USP3: variants seen among roughly 807,000 people sequenced by gnomAD.
USP3 encodes ubiquitin specific peptidase 3.
A neutral mutation model predicts 72.3 loss-of-function variants in USP3; 20 were observed. That is an observed-to-expected ratio of 0.28 (90% CI 0.19 to 0.40). The LOEUF (loss-of-function observed/expected upper bound fraction) is 0.40. USP3 is among the 10% of genes least tolerant of loss of function. USP3 has a pLI of 1.00. For missense variants in USP3, 479 were observed against 633.9 expected (o/e 0.76, Z 2.62); for synonymous variants, 222 against 225.3 (o/e 0.99, Z 0.13).
chr15:63,586,530 T>C (rs1241911524), intron 11 of USP3: 1 of 152,214 alleles, frequency 6.6e-6, no homozygotes, highest in Non-Finnish European at 1.5e-5. Context: ...ACAAGCACCA[T>C]AGTGATCAGT....
At chr15:63,554,358 G>C (rs1445244994) in intron 4 of USP3, among the ~76,000 whole-genome samples, 2 of 152,112 alleles carry the variant, frequency 1.3e-5, no homozygotes, top group Non-Finnish European at 2.9e-5. Flanking sequence ...ATAAAGAAAT[G>C]AAACTATTTA....
chr15:63,541,719 T>C (rs938668492), intron 3 of USP3, among the ~76,000 whole-genome samples: 1 of 152,186 alleles, frequency 6.6e-6, no homozygotes, highest in African/African-American at 2.4e-5. Context: ...TTAACCTTTC[T>C]CAGTTTGAAA....
At position 63,594,468 on chromosome 15, in the gene USP3, T is replaced by C. The variant is rs141161032; in HGVS notation, c.*3642T>C. Reference sequence around the variant, plus strand: ...GACTCTAGACTGCCTTCCATGAGTGTTGGTCATGCTATGATGTCATCATTT... The same window carrying C: ...GACTCTAGACTGCCTTCCATGAGTGCTGGTCATGCTATGATGTCATCATTT... On this transcript the variant is annotated 3_prime_UTR_variant, in exon 15 of 15. Transcript: ENST00000380324. 6.6e-6 allele frequency: 1 copy of C among 152,220 alleles called. No homozygotes were observed. The highest frequency in any genetic ancestry group is 2.4e-5 in the African/African-American group (1 of 41,434). 9.4% of individuals were successfully genotyped at this position (152,220 alleles called of 1,614,324 possible). A position where few individuals can be genotyped will look rare whatever the true frequency, so the allele number is the denominator to read the frequency against.
At chr15:63,565,236 C>T (rs1379989441) in intron 8 of USP3, among the ~76,000 whole-genome samples, 3 of 152,132 alleles carry the variant, frequency 2.0e-5, no homozygotes, top group East Asian at 3.8e-4. Flanking sequence ...CCCCAAAACA[C>T]ACACACCCTC....
Position 63,512,305 on chromosome 15 carries a change from CTCT to C in USP3, c.91+7487_91+7489del, listed in dbSNP as rs781608386. 2.3e-3 allele frequency among the ~76,000 whole-genome samples: 342 copies of C among 146,334 alleles called. 4 individuals carry two copies. In the South Asian group the frequency reaches 0.024, roughly 10 times the overall value. ...CCTCTTCTTCCTCTTCTTCTTCCTC[CTCT>C]TCTTCTTCTTCCTCTTCTTCCTCTT... On this transcript the variant is annotated intron_variant, in intron 1 of 14. Coordinates refer to ENST00000380324, the MANE Select transcript of USP3 (RefSeq NM_006537.4).
intron 1 of USP3, among the ~76,000 whole-genome samples, chr15:63,525,487 C>T (rs2065969643): frequency 6.6e-6 from 1 of 152,172 alleles, no homozygotes; most frequent in African/African-American, 2.4e-5. Flanking sequence ...TTTTGGCTGC[C>T]CTCGGACTGC....
chr15:63,519,484 G>C (rs771623655), intron 1 of USP3, among the ~76,000 whole-genome samples: 1 of 152,164 alleles, frequency 6.6e-6, no homozygotes, highest in Non-Finnish European at 1.5e-5. Context: ...TACCACAAAA[G>C]TAATGTTGTG....
At chr15:63,510,804 A>G (rs1265798220) in intron 1 of USP3, among the ~76,000 whole-genome samples, 1 of 152,212 alleles carries the variant, frequency 6.6e-6, no homozygotes, top group East Asian at 1.9e-4. Context: ...AGACCCCTCA[A>G]GATGCTCTGA....
intron 4 of USP3, 61 bp from the exon 5 acceptor site, chr15:63,556,606 C>G (rs3751043): frequency 0.84 from 1,126,426 of 1,335,832 alleles, 488,331 homozygotes; most frequent in Non-Finnish European, 0.89. Context: ...TTTATTCTTT[C>G]ACCTGTGGTG....
intron 3 of USP3, among the ~76,000 whole-genome samples, chr15:63,552,309 A>G (rs2066448628): frequency 6.6e-6 from 1 of 152,342 alleles, no homozygotes; most frequent in South Asian, 2.1e-4. Context: ...AAATGCCCTA[A>G]GCCCAAATTT....
intron 1 of USP3, among the ~76,000 whole-genome samples, chr15:63,508,239 A>G (rs749847530): frequency 2.6e-5 from 4 of 152,224 alleles, no homozygotes; most frequent in Non-Finnish European, 4.4e-5. Flanking sequence ...TGTGTAAGCT[A>G]TAGTTAACAG....
chr15:63,515,394 G>A (rs144976565), intron 1 of USP3: 1 of 152,232 alleles, frequency 6.6e-6, no homozygotes, highest in African/African-American at 2.4e-5. Context: ...TTTAAAAATA[G>A]AGTAAAATGC....
chr15:63,590,631 C>A, intron 14 of USP3, 30 bp from the exon 15 acceptor site: 1 of 1,508,278 alleles, frequency 6.6e-7, no homozygotes, highest in Non-Finnish European at 8.9e-7. Flanking sequence ...TTCTGAGGTT[C>A]TTTTTTCCTT....
In USP3 at chr15:63,590,842, A is replaced by G; in HGVS notation, c.*16A>G. The G allele has an allele frequency of 6.2e-7, 1 of 1,600,106 alleles. No individual in the cohort carries two copies. The highest frequency in any genetic ancestry group is 2.2e-5 in the East Asian group (1 of 44,496). Reference sequence around the variant, plus strand: ...TAAACTTTAATACCTCCTCCAAATCATCATTCACCAACCATACCAGAGAAA... The same window carrying G: ...TAAACTTTAATACCTCCTCCAAATCGTCATTCACCAACCATACCAGAGAAA... On this transcript the variant is annotated 3_prime_UTR_variant, in exon 15 of 15. Transcript: ENST00000380324.
chr15:63,582,781 G>C (rs2066986300), intron 11 of USP3, among the ~76,000 whole-genome samples: 1 of 152,200 alleles, frequency 6.6e-6, no homozygotes, highest in Non-Finnish European at 1.5e-5. Context: ...GATGAGGACA[G>C]GAAGGAAGGC....
intron 6 of USP3, 91 bp from the exon 7 acceptor site, chr15:63,559,766 C>T: frequency 9.7e-7 from 1 of 1,026,914 alleles, no homozygotes; most frequent in South Asian, 1.7e-5. Context: ...TGAAAAATGG[C>T]AGTTTCAAAA....
chr15:63,505,165 G>T (rs1422840157), intron 1 of USP3, among the ~76,000 whole-genome samples: 3 of 151,836 alleles, frequency 2.0e-5, no homozygotes, highest in Non-Finnish European at 4.4e-5. Flanking sequence ...CGGGGGCTGT[G>T]CCCGTCCGTG....
At position 63,593,736 on chromosome 15, in the gene USP3, A is replaced by T. The variant is rs188122739; in HGVS notation, c.*2910A>T. 1.3e-5 allele frequency: 2 copies of T among 152,388 alleles called. No individual in the cohort carries two copies. Among genetic ancestry groups the T allele is most frequent in the Admixed American group, 1.3e-4 (2 of 15,308 alleles). The allele number at this position is 152,388 out of a possible 1,614,324, so 9.4% of individuals were successfully genotyped here. A position where few individuals can be genotyped will look rare whatever the true frequency, so the allele number is the denominator to read the frequency against. ...TTTGTGTTTTCATTTTTAACTGTGC[A>T]GCCTTACCACACCTATTTTGAAAGC... On this transcript the variant is annotated 3_prime_UTR_variant, in exon 15 of 15. Transcript: ENST00000380324.
At chr15:63,526,384 C>T (rs2065982078) in intron 1 of USP3, among the ~76,000 whole-genome samples, 2 of 152,180 alleles carry the variant, frequency 1.3e-5, no homozygotes, top group African/African-American at 4.8e-5. Flanking sequence ...TCAGTTTCCT[C>T]TTCTGTAAAA....
Sources: allele counts gnomAD v4.1 joint callset (sites outside exome capture counted in the v4.1 genomes callset), GRCh38; gene constraint gnomAD v4.1.1; transcripts MANE v1.5; gene names NCBI Gene and HGNC (gene_info 2026-07-23, HGNC 2026-07-21).